Variants in NELL1 observed in about 807,000 individuals in gnomAD.
NELL1 encodes the protein protein kinase C-binding protein NELL1.
A neutral mutation model predicts 107.4 loss-of-function variants in NELL1; 76 were observed. The observed-to-expected ratio is 0.71, with a 90% CI of 0.59 to 0.86. NELL1 has a LOEUF of 0.86. Ranked by LOEUF, NELL1 falls within the 40% of genes least tolerant of loss-of-function variation. The probability of loss-of-function intolerance (pLI) is 0.00; values close to 1 mark genes in which losing one functional copy is unlikely to be tolerated. For missense variants in NELL1, 1,024 were observed against 1,005.5 expected (o/e 1.02, Z -0.25); for synonymous variants, 353 against 341.2 (o/e 1.03, Z -0.38).
chr11:21,133,620 C>G (rs535975188), intron 13 of NELL1, among the ~76,000 whole-genome samples: 49 of 152,250 alleles, frequency 3.2e-4, no homozygotes, highest in African/African-American at 1.1e-3. Flanking sequence ...GCCCTGAGCC[C>G]TCGCTCACCT....
intron 14 of NELL1, among the ~76,000 whole-genome samples, chr11:21,331,265 T>A (rs1285621613): frequency 6.6e-6 from 1 of 152,096 alleles, no homozygotes; most frequent in Non-Finnish European, 1.5e-5. Context: ...TGAGTTATAC[T>A]TTCCTGTTTA....
chr11:20,825,471 G>A lies in NELL1; in HGVS notation c.336-22112G>A, dbSNP rs970405586. ...GGCAGAGTTGCCCAAGGCCATGGGA[G>A]TCCACCTCTTGCATCTGTGTGACCT... is the stretch of plus-strand genomic sequence containing the variant. On this transcript the variant is annotated intron_variant, in intron 3 of 19. Transcript: ENST00000357134. Among the ~76,000 whole-genome samples, 35 of 151,584 alleles carry A rather than the reference G, an allele frequency of 2.3e-4. 1 individual carries two copies. The highest frequency in any genetic ancestry group is 7.5e-4 in the African/African-American group (31 of 41,518).
intron 18 of NELL1, among the ~76,000 whole-genome samples, chr11:21,571,651 A>G (rs1857103314): frequency 2.0e-5 from 3 of 151,890 alleles, no homozygotes; most frequent in Admixed American, 6.6e-5. Context: ...GGTTGTTATA[A>G]ATATTAATAT....
chr11:21,354,335 A>G (rs1376523334), intron 14 of NELL1, among the ~76,000 whole-genome samples: 10 of 151,966 alleles, frequency 6.6e-5, no homozygotes, highest in Non-Finnish European at 1.3e-4. Context: ...TGTTTGTATT[A>G]TTCCTCTTTT....
chr11:21,418,816 T>C (rs1852584409), intron 15 of NELL1, among the ~76,000 whole-genome samples: 1 of 152,128 alleles, frequency 6.6e-6, no homozygotes, highest in East Asian at 1.9e-4. Context: ...GAAGATAGCG[T>C]GTCCAAAATA....
intron 16 of NELL1, 47 bp from the exon 17 acceptor site, chr11:21,560,142 A>G (rs1856814255): frequency 6.4e-7 from 1 of 1,565,152 alleles, no homozygotes; most frequent in African/African-American, 1.4e-5. Context: ...TTTGTTCTCT[A>G]AGTTCCCTTG....
At chr11:20,805,366 C>A (rs1414755667) in intron 3 of NELL1, among the ~76,000 whole-genome samples, 2 of 151,848 alleles carry the variant, frequency 1.3e-5, no homozygotes, top group Non-Finnish European at 2.9e-5. Context: ...TTGTTTTGTG[C>A]TATTCTCTTT....
Position 21,229,321 on chromosome 11 carries a change from C to A in NELL1, c.1427-11C>A, listed in dbSNP as rs368617465. 4 of 1,613,432 alleles carry A rather than the reference C, an allele frequency of 2.5e-6. No individual in the cohort carries two copies. In the African/African-American group the frequency reaches 5.3e-5, roughly 22 times the overall value. ...AAAAGTATTTCTCTTTTTCTCTCAC[C>A]CTGGAAACAGAACACGATGAATGTG... On this transcript the variant is annotated splice_polypyrimidine_tract_variant and intron_variant, in intron 13 of 19. Coordinates refer to ENST00000357134, the MANE Select transcript of NELL1 (RefSeq NM_006157.5).
At chr11:21,055,718 G>A (rs899184658) in intron 12 of NELL1, among the ~76,000 whole-genome samples, 1 of 152,142 alleles carries the variant, frequency 6.6e-6, no homozygotes, top group Non-Finnish European at 1.5e-5. Flanking sequence ...GCCAAGGTGG[G>A]AGAGGTGGGT....
intron 12 of NELL1, among the ~76,000 whole-genome samples, chr11:20,968,719 G>A (rs924851572): frequency 2.0e-5 from 3 of 152,174 alleles, no homozygotes; most frequent in African/African-American, 7.2e-5. Flanking sequence ...GGATGTTCCA[G>A]CTTAACACGT....
intron 14 of NELL1, chr11:21,284,843 G>A (rs1424761696): frequency 6.6e-6 from 2 of 305,084 alleles, no homozygotes; most frequent in Non-Finnish European, 1.3e-5. Context: ...CTGCAGTCTT[G>A]GCATCCTTGG....
chr11:21,515,987 G>T (rs763305851), intron 15 of NELL1, among the ~76,000 whole-genome samples: 1 of 152,176 alleles, frequency 6.6e-6, no homozygotes, highest in Non-Finnish European at 1.5e-5. Flanking sequence ...AGACATACTT[G>T]TTTCTACATC....
intron 13 of NELL1, among the ~76,000 whole-genome samples, chr11:21,215,972 C>A (rs1857603972): frequency 6.6e-6 from 1 of 152,132 alleles, no homozygotes; most frequent in African/African-American, 2.4e-5. Flanking sequence ...CAGAGACTTT[C>A]ATTGCAACCC....
intron 2 of NELL1, among the ~76,000 whole-genome samples, chr11:20,726,206 T>G (rs1418306564): frequency 6.6e-6 from 1 of 152,250 alleles, no homozygotes; most frequent in Non-Finnish European, 1.5e-5. Context: ...GTGATGAACA[T>G]GCAAGCACAT....
chr11:21,174,482 C>T lies in NELL1; in HGVS notation c.1427-54850C>T, dbSNP rs553503756. On this transcript the variant is annotated intron_variant, in intron 13 of 19. Coordinates refer to ENST00000357134, the MANE Select transcript of NELL1 (RefSeq NM_006157.5). ...AAATTGAAATAATCAGATGGTCTAG[C>T]CCACTATTTTTCATTTCAAATGATA... is the stretch of plus-strand genomic sequence containing the variant. 9.2e-5 allele frequency among the ~76,000 whole-genome samples: 14 copies of T among 151,822 alleles called. No homozygotes were observed. In the South Asian group the frequency reaches 2.9e-3, roughly 32 times the overall value.
At chr11:21,194,133 G>T (rs1308463649) in intron 13 of NELL1, among the ~76,000 whole-genome samples, 3 of 151,756 alleles carry the variant, frequency 2.0e-5, no homozygotes, top group Non-Finnish European at 2.9e-5. Flanking sequence ...CAGACTCATG[G>T]ATTCTCATAA....
At chr11:20,849,010 C>T (rs1032467682) in intron 4 of NELL1, among the ~76,000 whole-genome samples, 2 of 152,200 alleles carry the variant, frequency 1.3e-5, no homozygotes, top group Non-Finnish European at 2.9e-5. Context: ...CAGACTGGGG[C>T]TGGGCAGCCT....
chr11:21,171,403 T>G (rs1856603931), intron 13 of NELL1, among the ~76,000 whole-genome samples: 1 of 151,870 alleles, frequency 6.6e-6, no homozygotes, highest in Non-Finnish European at 1.5e-5. Flanking sequence ...TATACTTTTA[T>G]CCTTGTCTAT....
At chr11:21,258,189 AG>A (rs1319625620) in intron 14 of NELL1, among the ~76,000 whole-genome samples, 2 of 152,040 alleles carry the variant, frequency 1.3e-5, no homozygotes, top group Middle Eastern at 3.2e-3. Context: ...GACTTGCTGA[AG>A]GCCAAGATTT....
Sources: gnomAD v4.1 joint callset for allele counts (sites outside exome capture counted in the v4.1 genomes callset) on GRCh38, gnomAD v4.1.1 for gene constraint, MANE v1.5 for transcripts, NCBI Gene and HGNC (gene_info 2026-07-23, HGNC 2026-07-21) for gene names.